Variants in CALB1 observed in about 807,000 individuals in gnomAD.
CALB1 encodes calbindin 1.
Under a neutral mutation model 46.7 loss-of-function variants are expected in CALB1, and 16 were observed. The observed-to-expected ratio is 0.34, with a 90% CI of 0.23 to 0.52. CALB1 has a LOEUF of 0.52. Among genes scored for constraint, CALB1 ranks in the 20% least tolerant of loss-of-function variants. The pLI is 0.95. For synonymous variants in CALB1, 90 were observed against 112.8 expected, an observed-to-expected ratio of 0.80 and a Z score of 1.28; for missense variants, 224 against 300.3, an observed-to-expected ratio of 0.75 and a Z score of 1.88.
At chr8:90,080,318 TA>T (rs756290445) in intron 2 of CALB1, among the ~76,000 whole-genome samples, 71 of 151,896 alleles carry the variant, frequency 4.7e-4, no homozygotes, top group Non-Finnish European at 7.7e-4. Context: ...GGAAGAAAAA[TA>T]TTTTTTTAAA....
intron 3 of CALB1, among the ~76,000 whole-genome samples, chr8:90,070,325 G>T (rs1392952200): frequency 6.6e-6 from 1 of 152,132 alleles, no homozygotes; most frequent in Non-Finnish European, 1.5e-5. Context: ...CACGGGCATG[G>T]ACGGACCCTC....
intron 1 of CALB1, 162 bp from the exon 2 acceptor site, chr8:90,082,264 G>A (rs899895895): frequency 2.0e-5 from 13 of 640,692 alleles, no homozygotes; most frequent in Non-Finnish European, 3.3e-5. Context: ...CTCCCCTCCT[G>A]GGGTATCAAA....
chr8:90,071,659 T>C (rs896368575), intron 3 of CALB1, among the ~76,000 whole-genome samples: 2 of 152,236 alleles, frequency 1.3e-5, no homozygotes, highest in African/African-American at 4.8e-5. Context: ...GAAGAAAATA[T>C]ATCAGAGGCA....
At position 90,060,767 on chromosome 8, in the gene CALB1, TG is replaced by T. The variant is rs1814283420; in HGVS notation, c.601-68del. ...TACAGTAGTGGGAAATGAAGTAAAA[TG>T]GAAATAATTGGAATCCTTAGAAAGT... On this transcript the variant is annotated intron_variant, in intron 9 of 10. Transcript: ENST00000265431. 5.1e-6 allele frequency: 6 copies of T among 1,185,694 alleles called. No individual in the cohort carries two copies. The South Asian group carries it at 7.4e-5, about 15-fold the overall frequency. 73.4% of individuals were successfully genotyped at this position (1,185,694 alleles called of 1,614,324 possible).
At chr8:90,068,478 C>T (rs538463820) in intron 5 of CALB1, among the ~76,000 whole-genome samples, 2 of 152,178 alleles carry the variant, frequency 1.3e-5, no homozygotes, top group Non-Finnish European at 2.9e-5. Flanking sequence ...TGGATTTGCA[C>T]ATCAAGGCTC....
At chr8:90,065,788 A>T in intron 6 of CALB1, 110 bp downstream of exon 6, 1 of 698,844 alleles carries the variant, frequency 1.4e-6, no homozygotes, top group Non-Finnish European at 2.6e-6. Context: ...TGTGCATATG[A>T]TGCCCACACC....
At chr8:90,064,725 A>G (rs1031985464) in intron 6 of CALB1, among the ~76,000 whole-genome samples, 2 of 151,822 alleles carry the variant, frequency 1.3e-5, no homozygotes, top group Non-Finnish European at 3.0e-5. Flanking sequence ...ACTCTCCCCC[A>G]TTTGTTTGCT....
chr8:90,067,693 T>G (rs1805905), intron 5 of CALB1, among the ~76,000 whole-genome samples: 7,341 of 152,254 alleles, frequency 0.048, 245 homozygotes, highest in East Asian at 0.1. Flanking sequence ...CTGTTGATAT[T>G]CATATTTCCC....
In CALB1 at chr8:90,078,717, T is replaced by C. The variant is rs141636789; in HGVS notation, c.157-270A>G. On this transcript the variant is annotated intron_variant, in intron 2 of 10. Coordinates refer to ENST00000265431, the MANE Select transcript of CALB1 (RefSeq NM_004929.4). ...GAGACTATGCTATCCTTTGAAAGTGTAGTCAGAATCATTCCATTCATAACT... is the reference window on the plus strand; with the variant it reads ...GAGACTATGCTATCCTTTGAAAGTGCAGTCAGAATCATTCCATTCATAACT... 6.8e-4 allele frequency among the ~76,000 whole-genome samples: 104 copies of C among 152,174 alleles called. 1 individual carries two copies. Among genetic ancestry groups the C allele is most frequent in the Admixed American group, 3.9e-3 (59 of 15,276 alleles).
At chr8:90,082,384 C>T in intron 1 of CALB1, 1 of 605,572 alleles carries the variant, frequency 1.7e-6, no homozygotes, top group Non-Finnish European at 2.9e-6. Flanking sequence ...CTACCATTAC[C>T]GTTCCTGGAA....
chr8:90,061,765 T>C (rs1210964480), intron 9 of CALB1: 1 of 152,120 alleles, frequency 6.6e-6, no homozygotes, highest in African/African-American at 2.4e-5. Context: ...CTTAATATTG[T>C]TAAAATGTCT....
intron 9 of CALB1, chr8:90,061,920 A>G (rs978884494): frequency 2.0e-5 from 3 of 152,146 alleles, no homozygotes; most frequent in African/African-American, 7.2e-5. Flanking sequence ...AAAAAAGAAT[A>G]AACCTGGAGA....
At chr8:90,069,944 G>T (rs542253116) in intron 3 of CALB1, among the ~76,000 whole-genome samples, 1 of 150,760 alleles carries the variant, frequency 6.6e-6, no homozygotes, top group East Asian at 1.9e-4. Context: ...TTTTCCCTTA[G>T]ATCTCATTTC....
At chr8:90,075,993 T>G (rs530029977) in intron 3 of CALB1, among the ~76,000 whole-genome samples, 98 of 152,086 alleles carry the variant, frequency 6.4e-4, no homozygotes, top group Admixed American at 1.7e-3. Flanking sequence ...GGGCTTCAGT[T>G]TCTTCATCCT....
Position 90,061,415 on chromosome 8 carries a change from T to A in CALB1, c.601-715A>T, listed in dbSNP as rs143556564. On this transcript the variant is annotated intron_variant, in intron 9 of 10. Coordinates refer to ENST00000265431, the MANE Select transcript of CALB1 (RefSeq NM_004929.4). The stretch of plus-strand genomic sequence containing the variant: ...TAGATAAGAACAAAATTTTAAGGCA[T>A]CCAAATTGGAAAGAGAGAAGTTAAA... 350 of 152,262 alleles carry A rather than the reference T, an allele frequency of 2.3e-3. 2 individuals carry two copies. Among genetic ancestry groups the A allele is most frequent in the African/African-American group, 7.3e-3 (303 of 41,552 alleles). The allele number at this position is 152,262 out of a possible 1,614,324, so 9.4% of individuals were successfully genotyped here. A position where few individuals can be genotyped will look rare whatever the true frequency, so the allele number is the denominator to read the frequency against.
intron 3 of CALB1, among the ~76,000 whole-genome samples, chr8:90,072,803 C>T (rs1304091759): frequency 6.6e-6 from 1 of 152,106 alleles, no homozygotes; most frequent in African/African-American, 2.4e-5. Flanking sequence ...CTTCTTATTA[C>T]AATATTATTG....
At chr8:90,070,450 C>T (rs1814491568) in intron 3 of CALB1, among the ~76,000 whole-genome samples, 1 of 152,062 alleles carries the variant, frequency 6.6e-6, no homozygotes, top group Non-Finnish European at 1.5e-5. Context: ...TTAAAAAATT[C>T]ATCCTTTTAG....
chr8:90,079,595 G>A (rs765985819), intron 2 of CALB1, among the ~76,000 whole-genome samples: 1 of 151,798 alleles, frequency 6.6e-6, no homozygotes, highest in Non-Finnish European at 1.5e-5. Context: ...TTTTAAAATG[G>A]TGTAATACCA....
Position 90,082,846 on chromosome 8 carries a change from G to C in CALB1, c.-149C>G, listed in dbSNP as rs762466883. On this transcript the variant is annotated 5_prime_UTR_variant, in exon 1 of 11. Coordinates refer to ENST00000265431, the MANE Select transcript of CALB1 (RefSeq NM_004929.4). ...GCTGCCGGGCGCTGTCCTCGGTGCTGCTCAGCTCAGCGTTCCTCCAGAGTT... is the reference window on the plus strand; with the variant it reads ...GCTGCCGGGCGCTGTCCTCGGTGCTCCTCAGCTCAGCGTTCCTCCAGAGTT... 2.8e-6 allele frequency: 2 copies of C among 701,898 alleles called. No individual in the cohort carries two copies. The highest frequency in any genetic ancestry group is 5.2e-6 in the Non-Finnish European group (2 of 385,114). 43.5% of individuals were successfully genotyped at this position (701,898 alleles called of 1,614,324 possible).
Sources: allele counts gnomAD v4.1 joint callset (sites outside exome capture counted in the v4.1 genomes callset), GRCh38; gene constraint gnomAD v4.1.1; transcripts MANE v1.5; gene names NCBI Gene and HGNC (gene_info 2026-07-23, HGNC 2026-07-21).